ZDHHC17: variants seen among roughly 807,000 people sequenced by gnomAD.
ZDHHC17 encodes palmitoyltransferase ZDHHC17.
A neutral mutation model predicts 90.3 loss-of-function variants in ZDHHC17; 40 were observed. The observed-to-expected ratio is 0.44, with a 90% CI of 0.34 to 0.58. ZDHHC17 has a LOEUF of 0.58. ZDHHC17 is among the 20% of genes least tolerant of loss of function. The pLI is 0.01. For missense variants in ZDHHC17, 614 were observed against 780.8 expected, an observed-to-expected ratio of 0.79 and a Z score of 2.55; for synonymous variants, 235 against 252.4, an observed-to-expected ratio of 0.93 and a Z score of 0.65.
chr12:76,794,823 A>T (rs1952800660), intron 1 of ZDHHC17, among the ~76,000 whole-genome samples: 2 of 152,158 alleles, frequency 1.3e-5, no homozygotes, highest in African/African-American at 2.4e-5. Context: ...TTTCTTGAAA[A>T]CTTTATGATA....
chr12:76,825,252 T>G (rs1953216938), intron 8 of ZDHHC17, among the ~76,000 whole-genome samples: 1 of 152,196 alleles, frequency 6.6e-6, no homozygotes, highest in Non-Finnish European at 1.5e-5. Flanking sequence ...TCTGTCTGTA[T>G]TATTTATTAC....
chr12:76,828,590 A>G, intron 10 of ZDHHC17, 100 bp downstream of exon 10: 2 of 915,038 alleles, frequency 2.2e-6, no homozygotes, highest in South Asian at 3.9e-5. Flanking sequence ...CTCATTCATA[A>G]TACATTAAAA....
chr12:76,768,632 G>T (rs1053979044), intron 1 of ZDHHC17, among the ~76,000 whole-genome samples: 1 of 152,178 alleles, frequency 6.6e-6, no homozygotes, highest in Non-Finnish European at 1.5e-5. Context: ...TAGAAGAAAG[G>T]CTTCCGTAGA....
At chr12:76,833,047 C>T (rs1953323709) in intron 10 of ZDHHC17, among the ~76,000 whole-genome samples, 1 of 152,072 alleles carries the variant, frequency 6.6e-6, no homozygotes, top group African/African-American at 2.4e-5. Flanking sequence ...TAATCTGATA[C>T]CCAGCTTATT....
rs536020957 is a variant in ZDHHC17, at chr12:76,774,123, G to T, written c.93+9794G>T. Among the ~76,000 whole-genome samples, 152 of 152,122 alleles carry T rather than the reference G, an allele frequency of 1.0e-3. 2 individuals carry two copies. Among genetic ancestry groups the T allele is most frequent in the Middle Eastern group, 6.8e-3 (2 of 294 alleles). ...GAATTAGCTGGGTGTGGTGATGCAT[G>T]CCTGTAGTCCCAGCTACTTAGGAGG... On this transcript the variant is annotated intron_variant, in intron 1 of 16. Coordinates refer to ENST00000426126, the MANE Select transcript of ZDHHC17 (RefSeq NM_015336.4).
At chr12:76,845,840 T>G (rs1408542632) in intron 13 of ZDHHC17, 38 bp downstream of exon 13, 2 of 1,148,166 alleles carry the variant, frequency 1.7e-6, no homozygotes, top group South Asian at 2.6e-5. Context: ...ATCATTCATT[T>G]AAGTTACTTT....
chr12:76,813,628 TA>T (rs1264681262), intron 5 of ZDHHC17, among the ~76,000 whole-genome samples: 1 of 152,148 alleles, frequency 6.6e-6, no homozygotes, highest in Non-Finnish European at 1.5e-5. Context: ...GTGCTTACTG[TA>T]ACTCTCTGCT....
At chr12:76,782,098 G>A (rs190548324) in intron 1 of ZDHHC17, among the ~76,000 whole-genome samples, 1 of 152,152 alleles carries the variant, frequency 6.6e-6, no homozygotes, top group East Asian at 1.9e-4. Flanking sequence ...GCCTATACAA[G>A]ATAAAAAAAG....
At chr12:76,811,985 C>T (rs561801297) in intron 5 of ZDHHC17, among the ~76,000 whole-genome samples, 15 of 152,200 alleles carry the variant, frequency 9.9e-5, no homozygotes, top group African/African-American at 1.7e-4. Context: ...TGCCTTCAGG[C>T]TGTATGTATA....
At chr12:76,812,277 C>T (rs1953033637) in intron 5 of ZDHHC17, among the ~76,000 whole-genome samples, 1 of 152,184 alleles carries the variant, frequency 6.6e-6, no homozygotes, top group Non-Finnish European at 1.5e-5. Context: ...AGCTCCACTT[C>T]TGCCATCTCC....
chr12:76,791,790 T>C (rs1952762541), intron 1 of ZDHHC17, among the ~76,000 whole-genome samples: 1 of 152,140 alleles, frequency 6.6e-6, no homozygotes, highest in Non-Finnish European at 1.5e-5. Context: ...TGGCTATAAA[T>C]TGGGTTCCCA....
intron 5 of ZDHHC17, among the ~76,000 whole-genome samples, chr12:76,810,564 T>C (rs1953007341): frequency 6.6e-6 from 1 of 152,220 alleles, no homozygotes; most frequent in Non-Finnish European, 1.5e-5. Context: ...TAAAATTCTA[T>C]GCGGATTTAG....
At chr12:76,784,581 A>AT (rs1296059918) in intron 1 of ZDHHC17, among the ~76,000 whole-genome samples, 5 of 152,240 alleles carry the variant, frequency 3.3e-5, no homozygotes, top group African/African-American at 1.2e-4. Flanking sequence ...AGGGTGGAAG[A>AT]TTAACAGCAG....
rs1159711647 is a variant in ZDHHC17 at position 76,819,999 on chromosome 12, A to T, written c.772-2407A>T. ...CAAGAGTGAAACTATGTCTTAAAAA[A>T]AAAAAAAAAAAAAAGACAATTTATA... is the stretch of plus-strand genomic sequence containing the variant. On this transcript the variant is annotated intron_variant, in intron 7 of 16. Transcript: ENST00000426126. 3.3e-5 allele frequency among the ~76,000 whole-genome samples: 5 copies of T among 151,710 alleles called. 1 individual carries two copies. Among genetic ancestry groups the T allele is most frequent in the Admixed American group, 3.3e-4 (5 of 15,210 alleles).
At chr12:76,787,336 A>AT (rs1952699297) in intron 1 of ZDHHC17, among the ~76,000 whole-genome samples, 1 of 152,226 alleles carries the variant, frequency 6.6e-6, no homozygotes. Flanking sequence ...TGAAATATTA[A>AT]ATTGGCCATA....
chr12:76,832,014 T>C (rs1953307922), intron 10 of ZDHHC17, among the ~76,000 whole-genome samples: 1 of 152,160 alleles, frequency 6.6e-6, no homozygotes, highest in Admixed American at 6.5e-5. Context: ...CACTAATTAA[T>C]TTAAATCCCA....
chr12:76,777,608 C>G (rs954139050), intron 1 of ZDHHC17, among the ~76,000 whole-genome samples: 1 of 152,170 alleles, frequency 6.6e-6, no homozygotes, highest in Non-Finnish European at 1.5e-5. Context: ...AGCTGTTTTC[C>G]TGAGTAACTG....
intron 10 of ZDHHC17, among the ~76,000 whole-genome samples, chr12:76,835,832 A>G (rs956203933): frequency 2.6e-5 from 4 of 152,152 alleles, no homozygotes; most frequent in African/African-American, 9.6e-5. Context: ...TCTTTAAAAG[A>G]TTGACTTTAA....
chr12:76,773,230 A>C (rs939449360), intron 1 of ZDHHC17, among the ~76,000 whole-genome samples: 4 of 152,118 alleles, frequency 2.6e-5, no homozygotes, highest in African/African-American at 9.7e-5. Context: ...CATGGCCTTA[A>C]AAATCTTTGT....
Sources: gnomAD v4.1 joint callset for allele counts (sites outside exome capture counted in the v4.1 genomes callset) on GRCh38, gnomAD v4.1.1 for gene constraint, MANE v1.5 for transcripts, NCBI Gene and HGNC (gene_info 2026-07-23, HGNC 2026-07-21) for gene names.